The following PSD3 variants were observed in gnomAD, a reference collection of about 807,000 sequenced individuals.
PSD3 encodes pleckstrin and Sec7 domain containing 3.
In PSD3, 49 loss-of-function variants were observed where a neutral mutation model predicts 105.5. The observed-to-expected ratio is 0.46, with a 90% CI of 0.37 to 0.59. PSD3 has a LOEUF of 0.59. PSD3 is among the 20% of genes least tolerant of loss of function. The probability of loss-of-function intolerance (pLI) is 0.00; values close to 1 mark genes in which losing one functional copy is unlikely to be tolerated. For synonymous variants in PSD3, 557 were observed against 457.8 expected (o/e 1.22, Z -2.77); for missense variants, 1,561 against 1,263.8 (o/e 1.24, Z -3.57).
At chr8:18,725,407 G>C (rs141786546) in intron 9 of PSD3, among the ~76,000 whole-genome samples, 1 of 152,264 alleles carries the variant, frequency 6.6e-6, no homozygotes, top group African/African-American at 2.4e-5. Flanking sequence ...GAAGAAAGAT[G>C]AAAAACAAAG....
At chr8:18,789,206 T>A (rs1468275153) in intron 8 of PSD3, among the ~76,000 whole-genome samples, 4 of 152,102 alleles carry the variant, frequency 2.6e-5, no homozygotes, top group Non-Finnish European at 5.9e-5. Context: ...GTCCATGAGG[T>A]CAACCCTATT....
intron 2 of PSD3, among the ~76,000 whole-genome samples, chr8:18,883,927 T>A (rs1355941005): frequency 2.0e-5 from 3 of 152,210 alleles, no homozygotes; most frequent in Non-Finnish European, 4.4e-5. Context: ...CTCTGTTCCC[T>A]AATGAATACC....
chr8:18,556,247 C>T lies in PSD3; in HGVS notation c.2890G>A (p.Asp964Asn), dbSNP rs1164851291. ...TAGTGGTCTTTCAGTTTGTACTCATCGACGTCCTTGGCTTTGACCTTCTTG... is the reference window on the plus strand; with the variant it reads ...TAGTGGTCTTTCAGTTTGTACTCATTGACGTCCTTGGCTTTGACCTTCTTG... ...PDKKVKAKDV[D>N]EYKLKDHYLE... is the part of the protein sequence containing the mutation. The change falls in exon 15 of 16, where the codon GAT (aspartate) becomes AAT (asparagine). Residue 964 changes from aspartate (D) to asparagine (N), a missense_variant. Asp to Asn is a conservative substitution (Grantham distance 23). Coordinates refer to ENST00000327040, the MANE Select transcript of PSD3 (RefSeq NM_015310.4). The T allele has an allele frequency of 3.1e-6, 5 of 1,614,128 alleles. No homozygotes were observed. The highest frequency in any genetic ancestry group is 3.4e-6 in the Non-Finnish European group (4 of 1,180,000).
At chr8:19,062,037 CTG>C (rs778225586) in intron 1 of PSD3, among the ~76,000 whole-genome samples, 1 of 152,196 alleles carries the variant, frequency 6.6e-6, no homozygotes, top group Non-Finnish European at 1.5e-5. Context: ...CCCAATGAAA[CTG>C]TGAACTCTTT....
intron 9 of PSD3, among the ~76,000 whole-genome samples, chr8:18,754,917 T>C (rs531394080): frequency 6.6e-6 from 1 of 152,268 alleles, no homozygotes; most frequent in East Asian, 1.9e-4. Flanking sequence ...ATGTTCAGGA[T>C]AGAATATTTG....
chr8:18,919,501 T>G (rs887655940), intron 2 of PSD3, among the ~76,000 whole-genome samples: 2 of 149,988 alleles, frequency 1.3e-5, no homozygotes, highest in African/African-American at 4.9e-5. Flanking sequence ...ATTACTGGAG[T>G]GAGGTTCAAG....
At chr8:18,922,459 G>T (rs1326100027) in intron 2 of PSD3, among the ~76,000 whole-genome samples, 2 of 152,138 alleles carry the variant, frequency 1.3e-5, no homozygotes, top group Non-Finnish European at 2.9e-5. Flanking sequence ...AAACTAAACG[G>T]AAGTGCTTTT....
chr8:18,682,161 T>C (rs914963062), intron 9 of PSD3, among the ~76,000 whole-genome samples: 5 of 152,176 alleles, frequency 3.3e-5, no homozygotes, highest in Admixed American at 6.5e-5. Context: ...TAATTCTGGG[T>C]GAACCCACTA....
At chr8:18,810,300 C>G (rs531761800) in intron 4 of PSD3, among the ~76,000 whole-genome samples, 3 of 152,346 alleles carry the variant, frequency 2.0e-5, no homozygotes, top group African/African-American at 7.2e-5. Flanking sequence ...ACACAGCCAT[C>G]TGCCATGTCT....
chr8:18,571,278 C>T (rs1468633232), intron 14 of PSD3, among the ~76,000 whole-genome samples: 1 of 152,186 alleles, frequency 6.6e-6, no homozygotes, highest in Non-Finnish European at 1.5e-5. Flanking sequence ...ACATTTCTTG[C>T]TTTTTCTCAA....
chr8:19,081,970 G>A (rs961755840), intron 1 of PSD3, among the ~76,000 whole-genome samples: 4 of 152,128 alleles, frequency 2.6e-5, no homozygotes, highest in East Asian at 3.9e-4. Context: ...ATGGGGGATC[G>A]AGGGCATTAG....
chr8:18,750,421 C>G (rs1805379096), intron 9 of PSD3, among the ~76,000 whole-genome samples: 2 of 151,948 alleles, frequency 1.3e-5, no homozygotes, highest in South Asian at 2.1e-4. Flanking sequence ...GTTCGTTCCT[C>G]CCGGTGGGCT....
In PSD3 at chr8:18,667,898, G is replaced by A. The variant is rs550206210; in HGVS notation, c.2173-12213C>T. On this transcript the variant is annotated intron_variant, in intron 9 of 15. Coordinates refer to ENST00000327040, the MANE Select transcript of PSD3 (RefSeq NM_015310.4). Reference sequence around the variant, plus strand: ...GCAGGCCGGCACTGCTGGGGGACCCGGTGCACCCTCCACAGCTGCTGGCCC... The same window carrying A: ...GCAGGCCGGCACTGCTGGGGGACCCAGTGCACCCTCCACAGCTGCTGGCCC... 1.1e-3 allele frequency among the ~76,000 whole-genome samples: 164 copies of A among 152,338 alleles called. 1 individual carries two copies. The highest frequency in any genetic ancestry group is 3.5e-3 in the African/African-American group (147 of 41,584).
chr8:18,848,600 G>C (rs1183172273), intron 4 of PSD3, among the ~76,000 whole-genome samples: 1 of 152,238 alleles, frequency 6.6e-6, no homozygotes, highest in Non-Finnish European at 1.5e-5. Context: ...TCTAAGTGCT[G>C]TATGTTCTCT....
intron 2 of PSD3, among the ~76,000 whole-genome samples, chr8:18,883,143 G>C (rs189097358): frequency 6.6e-6 from 1 of 151,998 alleles, no homozygotes; most frequent in Non-Finnish European, 1.5e-5. Context: ...GAATCCCAGA[G>C]GATTTGTATA....
At position 18,822,963 on chromosome 8, in the gene PSD3, G is replaced by A. The variant is rs1169252883; in HGVS notation, c.1635-18065C>T. ...CAGCACATGTGCTCACTCCAAAAAT[G>A]GCAAGCCGATCCAATCAATCAGCTC... is the stretch of plus-strand genomic sequence containing the variant. On this transcript the variant is annotated intron_variant, in intron 4 of 15. Transcript: ENST00000327040. Among the ~76,000 whole-genome samples, 4 of 152,062 alleles carry A rather than the reference G, an allele frequency of 2.6e-5. No homozygotes were observed. The South Asian group carries it at 6.2e-4, about 24-fold the overall frequency.
chr8:18,633,095 A>C (rs1437214030), intron 10 of PSD3, among the ~76,000 whole-genome samples: 1 of 152,054 alleles, frequency 6.6e-6, no homozygotes, highest in Non-Finnish European at 1.5e-5. Context: ...ACAGATAATG[A>C]AGATATGATC....
intron 9 of PSD3, among the ~76,000 whole-genome samples, chr8:18,701,793 T>A (rs140203913): frequency 6.6e-6 from 1 of 152,218 alleles, no homozygotes; most frequent in Admixed American, 6.5e-5. Flanking sequence ...TACAACTGCA[T>A]AGCCATGAGC....
chr8:18,963,670 G>A (rs934947349), intron 1 of PSD3, among the ~76,000 whole-genome samples: 1 of 152,132 alleles, frequency 6.6e-6, no homozygotes, highest in Non-Finnish European at 1.5e-5. Flanking sequence ...ATAAGAAATG[G>A]GGGGAGAGAA....
Sources: allele counts gnomAD v4.1 joint callset (sites outside exome capture counted in the v4.1 genomes callset), GRCh38; gene constraint gnomAD v4.1.1; transcripts MANE v1.5; gene names NCBI Gene and HGNC (gene_info 2026-07-23, HGNC 2026-07-21).